Variants in ARHGAP26 observed in about 807,000 individuals in gnomAD.
The protein encoded by ARHGAP26 is rho GTPase-activating protein 26.
Under a neutral mutation model 104.8 loss-of-function variants are expected in ARHGAP26, and 38 were observed. That is an observed-to-expected ratio of 0.36 (90% CI 0.28 to 0.48). ARHGAP26 has a LOEUF of 0.48. ARHGAP26 is among the 20% of genes least tolerant of loss of function. The pLI, the probability that ARHGAP26 is intolerant of heterozygous loss-of-function variation, is 0.99. For missense variants in ARHGAP26, 704 were observed against 947.9 expected, an observed-to-expected ratio of 0.74 and a Z score of 3.38; for synonymous variants, 341 against 340.0, an observed-to-expected ratio of 1.00 and a Z score of -0.03.
At chr5:142,789,392 T>G (rs1278838965) in intron 1 of ARHGAP26, among the ~76,000 whole-genome samples, 1 of 152,178 alleles carries the variant, frequency 6.6e-6, no homozygotes, top group African/African-American at 2.4e-5. Context: ...AGTATTATAT[T>G]GAATTTAATC....
At chr5:142,779,035 T>G (rs983576343) in intron 1 of ARHGAP26, among the ~76,000 whole-genome samples, 6 of 152,026 alleles carry the variant, frequency 3.9e-5, no homozygotes, top group African/African-American at 1.2e-4. Flanking sequence ...TGGAACTGCT[T>G]GATATGCTTT....
intron 17 of ARHGAP26, among the ~76,000 whole-genome samples, chr5:143,101,856 C>CTTTT (rs572646417): frequency 7.2e-6 from 1 of 138,994 alleles, no homozygotes; most frequent in Admixed American, 7.3e-5. Flanking sequence ...GACATAAAAG[C>CTTTT]TTTTTTTTTT....
chr5:143,220,077 A>G (rs76994815), intron 22 of ARHGAP26, among the ~76,000 whole-genome samples: 4,498 of 152,334 alleles, frequency 0.03, 239 homozygotes, highest in African/African-American at 0.1. Flanking sequence ...ACAGCTAGCC[A>G]GGAAAAGGAG....
intron 1 of ARHGAP26, among the ~76,000 whole-genome samples, chr5:142,862,516 G>T (rs529552012): frequency 6.6e-6 from 1 of 152,276 alleles, no homozygotes; most frequent in African/African-American, 2.4e-5. Context: ...TTTTCCTTTT[G>T]TAATATGTAT....
intron 5 of ARHGAP26, among the ~76,000 whole-genome samples, chr5:142,890,922 T>G (rs564608680): frequency 6.6e-6 from 1 of 152,202 alleles, no homozygotes; most frequent in Admixed American, 6.5e-5. Context: ...GATGTGGGAG[T>G]CAATTCTGTT....
chr5:143,222,102 T>A (rs1343200078), intron 22 of ARHGAP26, among the ~76,000 whole-genome samples: 1 of 152,160 alleles, frequency 6.6e-6, no homozygotes, highest in Non-Finnish European at 1.5e-5. Flanking sequence ...TGTCTGTGTC[T>A]GTTTCCTTTT....
intron 1 of ARHGAP26, among the ~76,000 whole-genome samples, chr5:142,806,158 A>G (rs1762949259): frequency 6.6e-6 from 1 of 152,222 alleles, no homozygotes; most frequent in Non-Finnish European, 1.5e-5. Context: ...CAAGGCACAA[A>G]GACGGCTCAC....
At chr5:143,012,203 G>T (rs753741708) in intron 11 of ARHGAP26, among the ~76,000 whole-genome samples, 3 of 151,842 alleles carry the variant, frequency 2.0e-5, no homozygotes, top group South Asian at 4.2e-4. Context: ...TTAATAAGTG[G>T]CCTGGTAGCT....
intron 10 of ARHGAP26, among the ~76,000 whole-genome samples, chr5:142,917,822 C>T (rs1289983394): frequency 1.3e-5 from 2 of 152,124 alleles, no homozygotes; most frequent in African/African-American, 2.4e-5. Flanking sequence ...ACACCACTGT[C>T]ACTGTCCCTA....
chr5:142,841,205 G>A (rs1247828850), intron 1 of ARHGAP26, among the ~76,000 whole-genome samples: 1 of 152,102 alleles, frequency 6.6e-6, no homozygotes, highest in Non-Finnish European at 1.5e-5. Context: ...CTTCATGTAG[G>A]CAGACAAAGA....
intron 20 of ARHGAP26, chr5:143,166,208 C>T (rs899949886): frequency 1.1e-4 from 75 of 709,854 alleles, no homozygotes; most frequent in Non-Finnish European, 1.3e-4. Context: ...TGGCAGTGAA[C>T]ACAAAAGCTC....
rs560230346 is a variant in ARHGAP26, at chr5:142,784,192, G to A, written c.154+13277G>A. On this transcript the variant is annotated intron_variant, in intron 1 of 22. Coordinates refer to ENST00000645722, the MANE Select transcript of ARHGAP26 (RefSeq NM_001135608.3). ...GGGTTTCTCTCTGGAAAGAAAGCCT[G>A]TTTCCTCTTACGTAGCCAGCATGCT... Among the ~76,000 whole-genome samples the A allele has an allele frequency of 8.5e-5, 13 of 152,374 alleles. No individual in the cohort carries two copies. In the South Asian group the frequency reaches 2.7e-3, roughly 32 times the overall value.
chr5:142,911,270 C>G (rs1761796765), intron 9 of ARHGAP26, among the ~76,000 whole-genome samples: 1 of 152,178 alleles, frequency 6.6e-6, no homozygotes, highest in Non-Finnish European at 1.5e-5. Flanking sequence ...CCTACATGGT[C>G]TTGCCTCTGT....
intron 4 of ARHGAP26, among the ~76,000 whole-genome samples, chr5:142,882,092 T>C (rs888725756): frequency 6.6e-6 from 1 of 152,224 alleles, no homozygotes; most frequent in Non-Finnish European, 1.5e-5. Context: ...AATGCTGGAC[T>C]CTAGAATAAG....
intron 14 of ARHGAP26, among the ~76,000 whole-genome samples, chr5:143,052,333 G>A (rs1387334153): frequency 6.6e-6 from 1 of 152,140 alleles, no homozygotes; most frequent in Non-Finnish European, 1.5e-5. Context: ...AGCTGGGCAT[G>A]GTGGCACATG....
intron 19 of ARHGAP26, among the ~76,000 whole-genome samples, chr5:143,140,356 A>T (rs1435407780): frequency 6.6e-6 from 1 of 152,170 alleles, no homozygotes; most frequent in African/African-American, 2.4e-5. Flanking sequence ...TGTCATCTCT[A>T]TCACCTACCA....
At chr5:142,890,942 G>A (rs1215374414) in intron 5 of ARHGAP26, among the ~76,000 whole-genome samples, 5 of 152,062 alleles carry the variant, frequency 3.3e-5, no homozygotes, top group Admixed American at 3.3e-4. Context: ...TTTCCTTATA[G>A]GGATTTCCTT....
At chr5:142,901,903 A>G (rs778033118) in intron 6 of ARHGAP26, 32 bp from the exon 7 acceptor site, 3 of 1,583,568 alleles carry the variant, frequency 1.9e-6, no homozygotes, top group Admixed American at 3.3e-5. Flanking sequence ...CAACCTGGTT[A>G]TGTGACCTTT....
intron 1 of ARHGAP26, among the ~76,000 whole-genome samples, chr5:142,827,048 A>C (rs964319323): frequency 3.3e-5 from 5 of 149,868 alleles, no homozygotes; most frequent in African/African-American, 1.2e-4. Context: ...AGTGCCTCTC[A>C]TTTCCTTTGG....
Sources: allele counts gnomAD v4.1 joint callset (sites outside exome capture counted in the v4.1 genomes callset), GRCh38; gene constraint gnomAD v4.1.1; transcripts MANE v1.5; gene names NCBI Gene and HGNC (gene_info 2026-07-23, HGNC 2026-07-21).